Variants in TDRD12 observed in about 807,000 individuals in gnomAD.
TDRD12 encodes putative ATP-dependent RNA helicase TDRD12.
A neutral mutation model predicts 133.5 loss-of-function variants in TDRD12; 158 were observed. The observed-to-expected ratio is 1.18, with a 90% CI of 1.04 to 1.35. TDRD12 has a LOEUF of 1.35. TDRD12 is among the 40% of genes most tolerant of loss of function. The pLI is 0.00. For missense variants in TDRD12, 1,443 were observed against 1,321.3 expected, an observed-to-expected ratio of 1.09 and a Z score of -1.43; for synonymous variants, 460 against 477.9, an observed-to-expected ratio of 0.96 and a Z score of 0.49.
chr19:32,806,014 G>A (rs1971538430), intron 21 of TDRD12, among the ~76,000 whole-genome samples: 1 of 152,118 alleles, frequency 6.6e-6, no homozygotes, highest in Admixed American at 6.5e-5. Flanking sequence ...TTACAGGCGT[G>A]AGCCACCGCA....
At chr19:32,748,631 A>G (rs1325867139) in intron 5 of TDRD12, 100 bp downstream of exon 5, 4 of 1,240,310 alleles carry the variant, frequency 3.2e-6, no homozygotes, top group Non-Finnish European at 4.5e-6. Context: ...CTGTTGGCCA[A>G]ACGGCCCTCC....
chr19:32,726,757 C>T (rs974914222), intron 1 of TDRD12, among the ~76,000 whole-genome samples: 1 of 151,956 alleles, frequency 6.6e-6, no homozygotes, highest in South Asian at 2.1e-4. Context: ...AAATATATGT[C>T]TTTTTTTAAA....
downstream of TDRD12, among the ~76,000 whole-genome samples, chr19:32,821,955 T>G (rs953731301): frequency 6.6e-6 from 1 of 151,772 alleles, no homozygotes; most frequent in African/African-American, 2.4e-5. Flanking sequence ...TTAGGTGCCA[T>G]AAAGAAAAAA....
chr19:32,794,836 T>C, intron 14 of TDRD12, 23 bp downstream of exon 14: 1 of 699,928 alleles, frequency 1.4e-6, no homozygotes, highest in Non-Finnish European at 2.6e-6. Context: ...CAGTTTTGCC[T>C]CACAACCAAA....
intron 8 of TDRD12, among the ~76,000 whole-genome samples, chr19:32,761,125 T>G (rs1970137818): frequency 6.6e-6 from 1 of 152,112 alleles, no homozygotes; most frequent in Non-Finnish European, 1.5e-5. Context: ...TTTTGTTTTG[T>G]TTAGTTTTTG....
intron 21 of TDRD12, 36 bp from the exon 22 acceptor site, chr19:32,807,513 A>T: frequency 1.5e-6 from 2 of 1,365,116 alleles, no homozygotes. Context: ...AACAATTATT[A>T]CTTACTTATG....
chr19:32,777,353 C>T (rs1970612364), intron 11 of TDRD12, 124 bp downstream of exon 11: 2 of 657,202 alleles, frequency 3.0e-6, no homozygotes, highest in South Asian at 4.7e-5. Context: ...AATAAATGTA[C>T]AGTATATCTC....
intron 21 of TDRD12, among the ~76,000 whole-genome samples, chr19:32,804,691 C>CA (rs34907310): frequency 0.19 from 22,800 of 120,946 alleles, 1,958 homozygotes; most frequent in East Asian, 0.29. Context: ...GATTCTGTCT[C>CA]AAAAAAAAAA....
chr19:32,748,998 G>T (rs1568457450), intron 5 of TDRD12, among the ~76,000 whole-genome samples: 2 of 152,218 alleles, frequency 1.3e-5, no homozygotes. Flanking sequence ...ACTATAAACA[G>T]TGTCTTTTGT....
At chr19:32,743,485 C>T (rs1471916189) in intron 4 of TDRD12, among the ~76,000 whole-genome samples, 3 of 151,914 alleles carry the variant, frequency 2.0e-5, no homozygotes, top group South Asian at 2.1e-4. Context: ...TGGGCTTAAG[C>T]GATCCTCTCA....
intron 1 of TDRD12, among the ~76,000 whole-genome samples, chr19:32,727,244 A>G (rs1410027972): frequency 6.6e-6 from 1 of 152,096 alleles, no homozygotes; most frequent in African/African-American, 2.4e-5. Context: ...CTTTTCATGT[A>G]CTTATTGGCC....
chr19:32,761,684 C>G (rs1970154951), intron 8 of TDRD12, among the ~76,000 whole-genome samples: 1 of 151,724 alleles, frequency 6.6e-6, no homozygotes, highest in Non-Finnish European at 1.5e-5. Context: ...TCAGGAGTTC[C>G]TTATTTATTT....
intron 8 of TDRD12, among the ~76,000 whole-genome samples, chr19:32,760,249 A>T (rs1270367181): frequency 1.3e-5 from 2 of 152,230 alleles, no homozygotes; most frequent in African/African-American, 4.8e-5. Context: ...GGAAAAGGTT[A>T]TGGTGAACAA....
intron 8 of TDRD12, among the ~76,000 whole-genome samples, chr19:32,759,023 C>T (rs1030151848): frequency 6.6e-6 from 1 of 151,868 alleles, no homozygotes; most frequent in Admixed American, 6.6e-5. Flanking sequence ...AGGTGGATCA[C>T]CTGAGATCAG....
chr19:32,799,073 TC>T (rs879179822), intron 16 of TDRD12, among the ~76,000 whole-genome samples: 1 of 150,466 alleles, frequency 6.6e-6, no homozygotes, highest in Admixed American at 6.6e-5. Flanking sequence ...TGCACCTGTT[TC>T]CTTTAGGATG....
In TDRD12 at chr19:32,783,285, G is replaced by A. The variant is rs59781529; in HGVS notation, c.1121+6056G>A. On this transcript the variant is annotated intron_variant, in intron 11 of 27. Coordinates refer to ENST00000444215, the Ensembl canonical transcript of TDRD12. ...GATAAGATGGCGGTAGATGTGTGGCGTTATTTCTGAGGCCTGTGTTCTGTT... is the reference window on the plus strand; with the variant it reads ...GATAAGATGGCGGTAGATGTGTGGCATTATTTCTGAGGCCTGTGTTCTGTT... Among the ~76,000 whole-genome samples the A allele has an allele frequency of 9.5e-4, 145 of 152,204 alleles. No individual in the cohort carries two copies. In the Middle Eastern group the frequency reaches 0.01, roughly 11 times the overall value.
chr19:32,789,746 A>T (rs1971014168), intron 11 of TDRD12, among the ~76,000 whole-genome samples: 1 of 152,194 alleles, frequency 6.6e-6, no homozygotes, highest in African/African-American at 2.4e-5. Flanking sequence ...CACGCCTATA[A>T]TCCCAGCAGT....
intron 13 of TDRD12, among the ~76,000 whole-genome samples, chr19:32,794,092 CTTTTTTTTTTTTTTTTTT>C (rs751938374): frequency 4.0e-5 from 2 of 49,828 alleles, no homozygotes; most frequent in Non-Finnish European, 6.8e-5. Flanking sequence ...CTGTGCCTGG[CTTTTTTTTTTTTTTTTTT>C]TTTTTTTTTT....
chr19:32,803,013 A>T, exon 21 of TDRD12: 2 of 1,536,008 alleles, frequency 1.3e-6, no homozygotes, highest in Middle Eastern at 3.3e-4. Context: ...GTCCTGCGCT[A>T]CTTGGAGCGA....
Sources: gnomAD v4.1 joint callset for allele counts (sites outside exome capture counted in the v4.1 genomes callset) on GRCh38, gnomAD v4.1.1 for gene constraint, MANE v1.5 for transcripts, NCBI Gene and HGNC (gene_info 2026-07-23, HGNC 2026-07-21) for gene names.